Variants in ANXA8 observed in about 807,000 individuals in gnomAD.
ANXA8 encodes the protein VAC-beta.
Under a neutral mutation model 26.8 loss-of-function variants are expected in ANXA8, and 9 were observed. The ratio of observed to expected loss-of-function variants is 0.34; its 90% CI spans 0.20 to 0.59. The LOEUF (loss-of-function observed/expected upper bound fraction) is 0.59, where lower values mean the gene tolerates loss of function less well. Among genes scored for constraint, ANXA8 ranks in the 20% least tolerant of loss-of-function variants. The pLI is 0.84. For missense variants in ANXA8, 83 were observed against 238.5 expected (o/e 0.35, Z 4.29); for synonymous variants, 39 against 94.8 (o/e 0.41, Z 3.42).
chr10:47,711,857 T>C, the ANXA8 span, among the ~76,000 whole-genome samples: 1 of 39,980 alleles, frequency 2.5e-5, no homozygotes, highest in Non-Finnish European at 4.5e-5. Context: ...TGAAAACGTA[T>C]GAATCCAGGA....
chr10:47,564,843 A>G, the ANXA8 span: 1 of 1,052,254 alleles, frequency 9.5e-7, no homozygotes, highest in Non-Finnish European at 1.5e-6. Context: ...TATGCCAGCA[A>G]CTCCTGCCCC....
At chr10:47,970,822 T>G in the ANXA8 span, among the ~76,000 whole-genome samples, 3 of 151,396 alleles carry the variant, frequency 2.0e-5, no homozygotes, top group African/African-American at 7.2e-5. Context: ...GGAAGTATGC[T>G]TGGGAGGATG....
the ANXA8 span, among the ~76,000 whole-genome samples, chr10:47,663,361 G>A: frequency 9.0e-5 from 13 of 144,362 alleles, no homozygotes; most frequent in East Asian, 5.9e-4. Flanking sequence ...GTAAATTTGC[G>A]TGAGATAAAG....
chr10:47,925,407 GC>G, the ANXA8 span, among the ~76,000 whole-genome samples: 1 of 137,876 alleles, frequency 7.3e-6, no homozygotes, highest in Non-Finnish European at 1.6e-5. Context: ...GGGGCCTCAG[GC>G]CCCCCTGGAT....
chr10:47,700,064 T>A, the ANXA8 span, among the ~76,000 whole-genome samples: 1 of 151,992 alleles, frequency 6.6e-6, no homozygotes, highest in Non-Finnish European at 1.5e-5. Context: ...CTCAACATTA[T>A]AATGATGTCA....
chr10:47,510,150 C>T, the ANXA8 span: 73 of 1,181,096 alleles, frequency 6.2e-5, 1 homozygote, highest in South Asian at 7.4e-4. Context: ...ATCTGTCCCT[C>T]GGCAGCATAG....
chr10:47,544,852 G>A, the ANXA8 span, among the ~76,000 whole-genome samples: 2 of 127,524 alleles, frequency 1.6e-5, no homozygotes, highest in South Asian at 4.9e-4. Context: ...CCTGTAACTG[G>A]GAGAAACTTC....
the ANXA8 span, among the ~76,000 whole-genome samples, chr10:47,672,021 A>C: frequency 6.6e-6 from 1 of 151,322 alleles, no homozygotes; most frequent in Non-Finnish European, 1.5e-5. Flanking sequence ...GCAATATCTA[A>C]ATTTTTCCTT....
chr10:47,618,386 A>C, the ANXA8 span, among the ~76,000 whole-genome samples: 3 of 111,542 alleles, frequency 2.7e-5, no homozygotes, highest in Non-Finnish European at 5.9e-5. Context: ...CATTTAATAA[A>C]TTACATATGA....
the ANXA8 span, among the ~76,000 whole-genome samples, chr10:47,664,338 A>G: frequency 6.6e-6 from 1 of 152,068 alleles, no homozygotes; most frequent in Non-Finnish European, 1.5e-5. Context: ...AGAATGTGCC[A>G]TTGCACTCCA....
chr10:47,754,963 CTT>C, the ANXA8 span, among the ~76,000 whole-genome samples: 66 of 74,958 alleles, frequency 8.8e-4, no homozygotes, highest in Non-Finnish European at 1.2e-3. Context: ...CTTTTCTTTT[CTT>C]TTTTTTTTTT....
chr10:47,651,056 G>T, the ANXA8 span, among the ~76,000 whole-genome samples: 2 of 151,386 alleles, frequency 1.3e-5, no homozygotes, highest in Admixed American at 6.6e-5. Context: ...AACATAGGGA[G>T]ATAGGCGTGG....
chr10:47,704,192 A>G, the ANXA8 span, among the ~76,000 whole-genome samples: 1 of 142,850 alleles, frequency 7.0e-6, no homozygotes, highest in Non-Finnish European at 1.6e-5. Flanking sequence ...TGTTTAAGAT[A>G]ATTTATAATA....
the ANXA8 span, among the ~76,000 whole-genome samples, chr10:47,733,232 TC>T: frequency 2.2e-5 from 2 of 90,402 alleles, no homozygotes; most frequent in African/African-American, 8.8e-5. Context: ...TCTTTCTTTC[TC>T]TCTTTCTTTC....
At chr10:47,750,893 T>A in the ANXA8 span, 1 of 151,650 alleles carries the variant, frequency 6.6e-6, no homozygotes, top group Non-Finnish European at 1.5e-5. Context: ...ATTACAAGAA[T>A]GTTAAGTTTG....
At chr10:47,672,642 G>A in the ANXA8 span, among the ~76,000 whole-genome samples, 12 of 151,996 alleles carry the variant, frequency 7.9e-5, no homozygotes, top group Non-Finnish European at 1.3e-4. Flanking sequence ...TGGAAATGAG[G>A]ACAATGGAAG....
chr10:47,944,621 A>G, the ANXA8 span, among the ~76,000 whole-genome samples: 3 of 150,446 alleles, frequency 2.0e-5, 1 homozygote, highest in Non-Finnish European at 4.4e-5. Flanking sequence ...GTGATGCTGA[A>G]TAAGTCTCAT....
At chr10:47,646,629 C>G in the ANXA8 span, among the ~76,000 whole-genome samples, 1 of 151,708 alleles carries the variant, frequency 6.6e-6, no homozygotes, top group African/African-American at 2.4e-5. Flanking sequence ...AAAAATGGAC[C>G]CTTGGTTTAG....
chr10:47,743,299 T>C, the ANXA8 span, among the ~76,000 whole-genome samples: 182 of 9,362 alleles, frequency 0.019, 4 homozygotes, highest in East Asian at 0.07. Flanking sequence ...TATATACACA[T>C]ATATATATAT....
Sources: allele counts gnomAD v4.1 joint callset (sites outside exome capture counted in the v4.1 genomes callset), GRCh38; gene constraint gnomAD v4.1.1; transcripts MANE v1.5; gene names NCBI Gene and HGNC (gene_info 2026-07-23, HGNC 2026-07-21).